Variants in CTNND2 observed in about 807,000 individuals in gnomAD.
CTNND2 encodes catenin delta-2.
In CTNND2, 22 loss-of-function variants were observed where a neutral mutation model predicts 144.4. The ratio of observed to expected loss-of-function variants is 0.15; its 90% CI spans 0.11 to 0.22. The LOEUF (loss-of-function observed/expected upper bound fraction) is 0.22. Ranked by LOEUF, CTNND2 falls within the 10% of genes least tolerant of loss-of-function variation. The pLI is 1.00. For synonymous variants in CTNND2, 751 were observed against 695.6 expected (o/e 1.08, Z -1.25); for missense variants, 1,353 against 1,618.8 (o/e 0.84, Z 2.82).
In CTNND2 at chr5:11,055,307, T is replaced by G. The variant is rs187558856; in HGVS notation, c.2788+27389A>C. Reference sequence around the variant, plus strand: ...TTCCTTCATTGACTAAAGGCTGAGCTTTCTGAGAATGCAGCTGCCATAAGT... The same window carrying G: ...TTCCTTCATTGACTAAAGGCTGAGCGTTCTGAGAATGCAGCTGCCATAAGT... On this transcript the variant is annotated intron_variant, in intron 16 of 21. Coordinates refer to ENST00000304623, the MANE Select transcript of CTNND2 (RefSeq NM_001332.4). 4.1e-3 allele frequency among the ~76,000 whole-genome samples: 617 copies of G among 152,332 alleles called. 1 individual carries two copies. Among genetic ancestry groups the G allele is most frequent in the Admixed American group, 7.2e-3 (110 of 15,306 alleles).
intron 16 of CTNND2, among the ~76,000 whole-genome samples, chr5:11,064,859 C>G (rs1276823380): frequency 6.6e-6 from 1 of 152,186 alleles, no homozygotes; most frequent in African/African-American, 2.4e-5. Flanking sequence ...GATTCCTTAT[C>G]TAATTAGACT....
At chr5:11,527,106 T>G (rs1773320906) in intron 3 of CTNND2, among the ~76,000 whole-genome samples, 1 of 152,104 alleles carries the variant, frequency 6.6e-6, no homozygotes, top group African/African-American at 2.4e-5. Flanking sequence ...ATTTATACTT[T>G]CAGTTTTGGA....
intron 11 of CTNND2, among the ~76,000 whole-genome samples, chr5:11,160,678 T>C (rs1758683835): frequency 6.6e-6 from 1 of 152,234 alleles, no homozygotes; most frequent in Non-Finnish European, 1.5e-5. Context: ...CCTAAACACG[T>C]ACCATCACTG....
chr5:11,830,335 C>A (rs1173265189), intron 1 of CTNND2, among the ~76,000 whole-genome samples: 2 of 152,172 alleles, frequency 1.3e-5, no homozygotes, highest in African/African-American at 4.8e-5. Context: ...ATTGTGTCAC[C>A]ACCCAACAAT....
At chr5:11,868,853 C>T (rs1795897869) in intron 1 of CTNND2, among the ~76,000 whole-genome samples, 1 of 152,072 alleles carries the variant, frequency 6.6e-6, no homozygotes, top group Non-Finnish European at 1.5e-5. Flanking sequence ...AAGATACGGC[C>T]CCTGGACCTT....
chr5:11,883,547 A>G (rs1736292682), intron 1 of CTNND2, among the ~76,000 whole-genome samples: 1 of 152,152 alleles, frequency 6.6e-6, no homozygotes, highest in Non-Finnish European at 1.5e-5. Flanking sequence ...TCCACGGTGT[A>G]TATGTGCCAT....
chr5:11,642,088 G>GA (rs1009549691), intron 2 of CTNND2, among the ~76,000 whole-genome samples: 7 of 151,794 alleles, frequency 4.6e-5, no homozygotes, highest in African/African-American at 1.7e-4. Context: ...TCTTAAAAGT[G>GA]AAAAAAGAAA....
chr5:11,648,500 C>A lies in CTNND2; in HGVS notation c.175-83444G>T, dbSNP rs182155632. Reference sequence around the variant, plus strand: ...CACTTGGGTTCAGCTTTACACCTTGCTGCACTTGGAAAGTCCTCCCCAAAA... The same window carrying A: ...CACTTGGGTTCAGCTTTACACCTTGATGCACTTGGAAAGTCCTCCCCAAAA... On this transcript the variant is annotated intron_variant, in intron 2 of 21. Transcript: ENST00000304623. 4.3e-4 allele frequency among the ~76,000 whole-genome samples: 65 copies of A among 152,262 alleles called. No homozygotes were observed. In the East Asian group the frequency reaches 5.0e-3, roughly 12 times the overall value.
chr5:10,973,331 C>CA lies in CTNND2; in HGVS notation c.*121dup. On this transcript the variant is annotated 3_prime_UTR_variant, in exon 22 of 22. Coordinates refer to ENST00000304623, the MANE Select transcript of CTNND2 (RefSeq NM_001332.4). The surrounding 1 kb of genome is among the most constrained non-coding windows in gnomAD (Gnocchi z 5.6). The stretch of plus-strand genomic sequence containing the variant: ...CTTAATATTTCCTTACTGGTTATCA[C>CA]AGCCTTCCTATGGAACAGGCTTTAA... The CA allele has an allele frequency of 9.5e-7, 1 of 1,050,018 alleles. No homozygotes were observed. The highest frequency in any genetic ancestry group is 2.2e-5 in the South Asian group (1 of 44,918). 65.0% of individuals were successfully genotyped at this position (1,050,018 alleles called of 1,614,324 possible).
At chr5:11,202,634 T>TC (rs1737582561) in intron 10 of CTNND2, among the ~76,000 whole-genome samples, 2 of 152,018 alleles carry the variant, frequency 1.3e-5, no homozygotes, top group Admixed American at 1.3e-4. Flanking sequence ...TTCTCCCTCC[T>TC]CCCCCTGCAG....
intron 2 of CTNND2, among the ~76,000 whole-genome samples, chr5:11,626,069 T>G (rs988159923): frequency 6.6e-6 from 1 of 152,096 alleles, no homozygotes; most frequent in East Asian, 1.9e-4. Context: ...ATAGTAGGTG[T>G]CTCAGATGCC....
chr5:11,179,457 T>C (rs928288261), intron 11 of CTNND2, among the ~76,000 whole-genome samples: 1 of 152,182 alleles, frequency 6.6e-6, no homozygotes, highest in African/African-American at 2.4e-5. Context: ...TGACCTCAGA[T>C]GATCCACCCA....
chr5:11,320,085 T>C (rs1751885542), intron 9 of CTNND2, among the ~76,000 whole-genome samples: 1 of 152,210 alleles, frequency 6.6e-6, no homozygotes, highest in Non-Finnish European at 1.5e-5. Flanking sequence ...GCACGGAGTT[T>C]ACATTCCAGT....
chr5:11,166,646 A>G (rs568695644), intron 11 of CTNND2, among the ~76,000 whole-genome samples: 1 of 152,242 alleles, frequency 6.6e-6, no homozygotes, highest in African/African-American at 2.4e-5. Flanking sequence ...TACCTCCTCC[A>G]CCCACACCCA....
At chr5:11,061,228 T>C (rs1278933520) in intron 16 of CTNND2, among the ~76,000 whole-genome samples, 2 of 152,214 alleles carry the variant, frequency 1.3e-5, no homozygotes, top group Admixed American at 6.5e-5. Flanking sequence ...GCTACAACTC[T>C]GGTCCTGGAC....
intron 2 of CTNND2, among the ~76,000 whole-genome samples, chr5:11,705,512 G>A (rs1208436046): frequency 6.6e-6 from 1 of 152,182 alleles, no homozygotes; most frequent in Non-Finnish European, 1.5e-5. Flanking sequence ...TACCTGGGAT[G>A]AGACATCTGA....
chr5:11,034,343 A>T (rs951544688), intron 16 of CTNND2, among the ~76,000 whole-genome samples: 3 of 152,204 alleles, frequency 2.0e-5, no homozygotes, highest in Non-Finnish European at 4.4e-5. Flanking sequence ...TTGAATTGTA[A>T]TAACTGCTGT....
rs137973312 is a variant in CTNND2, at chr5:11,092,360, A to C, written c.2637+6215T>G. Among the ~76,000 whole-genome samples the C allele has an allele frequency of 3.9e-3, 592 of 152,350 alleles. 4 individuals are homozygous for C. Among genetic ancestry groups the C allele is most frequent in the African/African-American group, 0.012 (497 of 41,592 alleles). On this transcript the variant is annotated intron_variant, in intron 15 of 21. Coordinates refer to ENST00000304623, the MANE Select transcript of CTNND2 (RefSeq NM_001332.4). ...TGTAATTTAGAACTTTAGAAATCAGATCATCCAATGACAGTACTAAAATTA... is the reference window on the plus strand; with the variant it reads ...TGTAATTTAGAACTTTAGAAATCAGCTCATCCAATGACAGTACTAAAATTA...
chr5:11,540,935 T>C (rs1356050457), intron 3 of CTNND2, among the ~76,000 whole-genome samples: 1 of 152,216 alleles, frequency 6.6e-6, no homozygotes, highest in East Asian at 1.9e-4. Context: ...CTATTATTGT[T>C]ATTATTTAAA....
Sources: gnomAD v4.1 joint callset for allele counts (sites outside exome capture counted in the v4.1 genomes callset) on GRCh38, gnomAD v4.1.1 for gene constraint, Gnocchi (gnomAD v3.1) non-coding constraint, MANE v1.5 for transcripts, NCBI Gene and HGNC (gene_info 2026-07-23, HGNC 2026-07-21) for gene names.